CDK5RAP2: variants seen among roughly 807,000 people sequenced by gnomAD.
The protein encoded by CDK5RAP2 is CDK5 regulatory subunit associated protein 2, also known as CDK5 regulatory subunit-associated protein 2.
CDK5RAP2 carries 147 observed loss-of-function variants against 232.9 expected under a neutral mutation model. The ratio of observed to expected loss-of-function variants is 0.63; its 90% CI spans 0.55 to 0.72. The LOEUF (loss-of-function observed/expected upper bound fraction) is 0.72. CDK5RAP2 is among the 30% of genes least tolerant of loss of function. The pLI is 0.00. For missense variants in CDK5RAP2, 2,195 were observed against 2,231.5 expected (o/e 0.98, Z 0.33); for synonymous variants, 833 against 833.7 (o/e 1.00, Z 0.01).
In CDK5RAP2 at chr9:120,453,731, T is replaced by C. The variant is rs527790427; in HGVS notation, c.2518A>G (p.Asn840Asp). Residue 840 changes from asparagine to aspartate, a missense_variant, in exon 21 of 38, where the codon AAC (asparagine) becomes GAC (aspartate). Asn to Asp is a conservative substitution (Grantham distance 23). Transcript: ENST00000349780. ...TCATCATGTGGCTTGGAAAATGAGTTGGTTTGGACAAAATGTACAAGTTCA... is the reference window on the plus strand; with the variant it reads ...TCATCATGTGGCTTGGAAAATGAGTCGGTTTGGACAAAATGTACAAGTTCA... ...KGELVHFVQT[N>D]SFSKPHDELK... The C allele has an allele frequency of 4.3e-6, 7 of 1,614,208 alleles. No homozygotes were observed. The highest frequency in any genetic ancestry group is 5.9e-6 in the Non-Finnish European group (7 of 1,180,034).
intron 29 of CDK5RAP2, among the ~76,000 whole-genome samples, chr9:120,409,937 T>C (rs1328220347): frequency 1.3e-5 from 2 of 152,164 alleles, no homozygotes; most frequent in African/African-American, 2.4e-5. Flanking sequence ...TGAGATGCCA[T>C]CTATAAAGGG....
intron 5 of CDK5RAP2, among the ~76,000 whole-genome samples, chr9:120,544,695 T>C (rs562780531): frequency 6.6e-6 from 1 of 152,266 alleles, no homozygotes; most frequent in Non-Finnish European, 1.5e-5. Context: ...AGCTTCTGGC[T>C]AGGATCCTCG....
At chr9:120,556,585 C>A (rs533232816) in intron 3 of CDK5RAP2, among the ~76,000 whole-genome samples, 1 of 151,962 alleles carries the variant, frequency 6.6e-6, no homozygotes, top group African/African-American at 2.4e-5. Flanking sequence ...GGTGTCACCA[C>A]GCCCATCTAA....
At chr9:120,518,201 GTGTGTGTGT>G (rs1271726736) in intron 12 of CDK5RAP2, among the ~76,000 whole-genome samples, 10 of 109,076 alleles carry the variant, frequency 9.2e-5, no homozygotes, top group African/African-American at 2.3e-4. Context: ...GTGTGTGTGT[GTGTGTGTGT>G]GAGAGAGAGA....
At chr9:120,524,395 C>A (rs533799731) in intron 11 of CDK5RAP2, among the ~76,000 whole-genome samples, 40 of 152,318 alleles carry the variant, frequency 2.6e-4, no homozygotes, top group African/African-American at 8.4e-4. Flanking sequence ...AATTCCAGCA[C>A]TTTGGAAGGC....
At chr9:120,525,182 G>T in intron 10 of CDK5RAP2, 104 bp from the exon 11 acceptor site, 1 of 888,198 alleles carries the variant, frequency 1.1e-6, no homozygotes, top group Non-Finnish European at 1.8e-6. Flanking sequence ...ATAATCAAGG[G>T]CTTTGTAGTC....
Position 120,536,589 on chromosome 9 carries a change from A to C in CDK5RAP2, c.508-63T>G, listed in dbSNP as rs544152128. 27 of 1,435,204 alleles carry C rather than the reference A, an allele frequency of 1.9e-5. No individual in the cohort carries two copies. In the African/African-American group the frequency reaches 3.5e-4, roughly 19 times the overall value. The allele number at this position is 1,435,204 out of a possible 1,614,324, so 88.9% of individuals were successfully genotyped here. ...ATACAATTGGGAACATTTTGAAAGG[A>C]AATTGGATTAAAATATAAATATTTA... On this transcript the variant is annotated intron_variant, in intron 6 of 37. Transcript: ENST00000349780.
At chr9:120,541,680 C>T (rs2041638987) in intron 5 of CDK5RAP2, among the ~76,000 whole-genome samples, 2 of 152,208 alleles carry the variant, frequency 1.3e-5, no homozygotes, top group African/African-American at 2.4e-5. Flanking sequence ...GCAGAGCGGC[C>T]GCTACACGTT....
chr9:120,554,326 T>C (rs1205923767), intron 3 of CDK5RAP2, among the ~76,000 whole-genome samples: 1 of 152,126 alleles, frequency 6.6e-6, no homozygotes, highest in Non-Finnish European at 1.5e-5. Flanking sequence ...GTGAAGCGAG[T>C]GCTGATGATA....
At chr9:120,569,669 T>C (rs1354369264) in intron 2 of CDK5RAP2, among the ~76,000 whole-genome samples, 2 of 152,168 alleles carry the variant, frequency 1.3e-5, no homozygotes, top group Non-Finnish European at 2.9e-5. Flanking sequence ...AGGGACAGAC[T>C]GTATACGGTT....
At chr9:120,562,822 T>C (rs1376781087) in intron 3 of CDK5RAP2, among the ~76,000 whole-genome samples, 3 of 152,062 alleles carry the variant, frequency 2.0e-5, no homozygotes, top group Admixed American at 2.0e-4. Context: ...TATCCTAGCA[T>C]GTTATTTACT....
At chr9:120,552,480 T>C (rs928875463) in intron 3 of CDK5RAP2, among the ~76,000 whole-genome samples, 49 of 152,218 alleles carry the variant, frequency 3.2e-4, no homozygotes, top group African/African-American at 1.2e-3. Flanking sequence ...TAAGAAAATG[T>C]GGCACATATA....
chr9:120,544,537 C>G (rs751906257), intron 5 of CDK5RAP2, among the ~76,000 whole-genome samples: 3 of 152,246 alleles, frequency 2.0e-5, no homozygotes, highest in Non-Finnish European at 4.4e-5. Flanking sequence ...GGCCAGCTTC[C>G]AGCTGCTGGA....
intron 28 of CDK5RAP2, among the ~76,000 whole-genome samples, chr9:120,413,810 G>GAA (rs2034009566): frequency 7.4e-6 from 1 of 134,626 alleles, no homozygotes; most frequent in Non-Finnish European, 1.6e-5. Context: ...CAGTGAGCGA[G>GAA]GAGGGAGGAG....
At chr9:120,437,001 G>A (rs369389155) in intron 25 of CDK5RAP2, among the ~76,000 whole-genome samples, 5 of 152,224 alleles carry the variant, frequency 3.3e-5, no homozygotes, top group African/African-American at 7.2e-5. Context: ...TGGCAACTAC[G>A]TGACCACTGC....
chr9:120,530,829 G>A (rs1239068341), intron 7 of CDK5RAP2, among the ~76,000 whole-genome samples: 1 of 139,300 alleles, frequency 7.2e-6, no homozygotes, highest in Non-Finnish European at 1.5e-5. Flanking sequence ...GACACAGGAA[G>A]GGGAACATCA....
chr9:120,528,694 C>G (rs752975369), intron 9 of CDK5RAP2, 50 bp downstream of exon 9: 3 of 1,184,744 alleles, frequency 2.5e-6, no homozygotes, highest in East Asian at 4.7e-5. Context: ...AAACAAGAGG[C>G]AAGAATAGGC....
intron 20 of CDK5RAP2, among the ~76,000 whole-genome samples, chr9:120,456,287 C>T (rs1364933003): frequency 6.6e-6 from 1 of 152,216 alleles, no homozygotes; most frequent in Non-Finnish European, 1.5e-5. Context: ...TTCCTTCTCA[C>T]TTCGGTTTCT....
In CDK5RAP2 at chr9:120,389,214, C is replaced by A. The variant is rs769565020; in HGVS notation, c.*22G>T. ...GTGAGCTCGGTGGGGGAAGCACAAG[C>A]TTTATTGGCTGAAAGTTCTTCTCAG... On this transcript the variant is annotated 3_prime_UTR_variant, in exon 38 of 38. Transcript: ENST00000349780. 6.2e-7 allele frequency: 1 copy of A among 1,606,786 alleles called. No individual in the cohort carries two copies. The highest frequency in any genetic ancestry group is 8.5e-7 in the Non-Finnish European group (1 of 1,175,450).
Sources: gnomAD v4.1 joint callset for allele counts (sites outside exome capture counted in the v4.1 genomes callset) on GRCh38, gnomAD v4.1.1 for gene constraint, MANE v1.5 for transcripts, NCBI Gene and HGNC (gene_info 2026-07-23, HGNC 2026-07-21) for gene names.